ANKRD34B: variants seen among roughly 807,000 people sequenced by gnomAD.
ANKRD34B encodes the protein ankyrin repeat domain-containing protein 34B.
A neutral mutation model predicts 4.4 loss-of-function variants in ANKRD34B; 2 were observed. The observed-to-expected ratio is 0.46, with a 90% CI of 0.19 to 1.44. The LOEUF is 1.44. Among genes scored for constraint, ANKRD34B ranks in the 40% most tolerant of loss-of-function variants. The probability of loss-of-function intolerance (pLI) is 0.26; values close to 1 mark genes in which losing one functional copy is unlikely to be tolerated. For missense variants in ANKRD34B, 558 were observed against 604.7 expected, an observed-to-expected ratio of 0.92 and a Z score of 0.81; for synonymous variants, 226 against 227.1, an observed-to-expected ratio of 0.99 and a Z score of 0.05.
Position 80,559,732 on chromosome 5 carries a change from A to C in ANKRD34B, c.288T>G (p.Ala96=), listed in dbSNP as rs1442268170. 6.2e-7 allele frequency: 1 copy of C among 1,614,234 alleles called. No individual in the cohort carries two copies. ...GGAGCAAGGAAACAACTTCAGGGCCAGCTTTTTCTAAGCAAGCATGCATCA... is the reference window on the plus strand; with the variant it reads ...GGAGCAAGGAAACAACTTCAGGGCCCGCTTTTTCTAAGCAAGCATGCATCA... The part of the protein sequence containing the change: ...TALMHACLEK[A]GPEVVSLLLK... Residue 96 remains alanine (A), a synonymous_variant, in exon 5 of 5, where the codon GCT becomes GCG. Coordinates refer to ENST00000338682, the MANE Select transcript of ANKRD34B (RefSeq NM_001004441.3).
chr5:80,562,510 A>T (rs1436277910), intron 4 of ANKRD34B, among the ~76,000 whole-genome samples: 2 of 152,170 alleles, frequency 1.3e-5, no homozygotes, highest in Non-Finnish European at 2.9e-5. Context: ...TTGCTTACTG[A>T]CCACGGCTGA....
intron 4 of ANKRD34B, among the ~76,000 whole-genome samples, chr5:80,563,293 C>T (rs1440955920): frequency 6.6e-6 from 1 of 152,100 alleles, no homozygotes. Flanking sequence ...ATTTCCCAGT[C>T]TGGGTGGTGC....
At chr5:80,567,881 C>T (rs150905557) in intron 2 of ANKRD34B, among the ~76,000 whole-genome samples, 10 of 152,180 alleles carry the variant, frequency 6.6e-5, no homozygotes, top group African/African-American at 2.4e-4. Flanking sequence ...ACCTGGGCTC[C>T]GGATCTCTCC....
At position 80,559,728 on chromosome 5, in the gene ANKRD34B, G is replaced by C; in HGVS notation, c.292C>G (p.Pro98Ala). ...TTGAGGAGCAAGGAAACAACTTCAGGGCCAGCTTTTTCTAAGCAAGCATGC... is the reference window on the plus strand; with the variant it reads ...TTGAGGAGCAAGGAAACAACTTCAGCGCCAGCTTTTTCTAAGCAAGCATGC... ...LMHACLEKAGPEVVSLLLKSG... is the reference protein window; with the variant it reads ...LMHACLEKAGAEVVSLLLKSG... Residue 98 changes from proline (P) to alanine (A), a missense_variant, in exon 5 of 5, where the codon CCT becomes GCT. Physicochemically the swap from Pro to Ala is conservative, Grantham distance 27. Coordinates refer to ENST00000338682, the MANE Select transcript of ANKRD34B (RefSeq NM_001004441.3). The C allele has an allele frequency of 1.2e-6, 2 of 1,614,130 alleles. No individual in the cohort carries two copies. Among genetic ancestry groups the C allele is most frequent in the Non-Finnish European group, 1.7e-6 (2 of 1,180,014 alleles).
Position 80,560,029 on chromosome 5 carries a change from T to C in ANKRD34B, c.-10A>G. On this transcript the variant is annotated 5_prime_UTR_variant, in exon 5 of 5. Transcript: ENST00000338682. ...CCATACCTTCATCCATCTTCGGAGG[T>C]TAGAACTCAATACCTGGTTATCAAA... 6.4e-7 allele frequency: 1 copy of C among 1,551,382 alleles called. No individual in the cohort carries two copies. The highest frequency in any genetic ancestry group is 8.7e-7 in the Non-Finnish European group (1 of 1,148,240).
At position 80,558,890 on chromosome 5, in the gene ANKRD34B, G is replaced by C; in HGVS notation, c.1130C>G (p.Ala377Gly). The C allele has an allele frequency of 6.2e-7, 1 of 1,614,164 alleles. No individual in the cohort carries two copies. The highest frequency in any genetic ancestry group is 8.5e-7 in the Non-Finnish European group (1 of 1,180,028). The change falls in exon 5 of 5, where the codon GCT (alanine) becomes GGT (glycine). Residue 377 changes from alanine to glycine, a missense_variant. Physicochemically the swap from Ala to Gly is moderately conservative, Grantham distance 60. Transcript: ENST00000338682. ...TTCTGAAGTTGGAGGGGTAAGGCCA[G>C]CTGAGAGCTGGGAATCAGAGCTGTA... is the stretch of plus-strand genomic sequence containing the variant. ...NHYSSDSQLS[A>G]GLTPPTSEDG...
intron 4 of ANKRD34B, among the ~76,000 whole-genome samples, chr5:80,561,020 G>T (rs1300920611): frequency 6.6e-6 from 1 of 152,138 alleles, no homozygotes; most frequent in East Asian, 1.9e-4. Context: ...AGGTTAGCAA[G>T]AACTATAGGG....
At chr5:80,563,258 G>A (rs967738159) in intron 4 of ANKRD34B, among the ~76,000 whole-genome samples, 2 of 152,078 alleles carry the variant, frequency 1.3e-5, no homozygotes, top group Non-Finnish European at 1.5e-5. Flanking sequence ...GACAGAGAGA[G>A]GCCCGAAGGT....
intron 2 of ANKRD34B, among the ~76,000 whole-genome samples, chr5:80,567,382 G>A (rs1460429037): frequency 1.3e-5 from 2 of 151,750 alleles, no homozygotes; most frequent in Non-Finnish European, 2.9e-5. Flanking sequence ...CACTTTGGGA[G>A]GCCGAGGGGG....
chr5:80,566,521 T>C (rs184836359), intron 3 of ANKRD34B, among the ~76,000 whole-genome samples, 168 bp downstream of exon 3: 1 of 152,182 alleles, frequency 6.6e-6, no homozygotes, highest in East Asian at 1.9e-4. Context: ...AGTCCCCAGC[T>C]CCTTGCCCTG....
rs145514052 is a variant in ANKRD34B, at chr5:80,559,331, A to G, written c.689T>C (p.Val230Ala). The G allele has an allele frequency of 6.3e-5, 102 of 1,614,190 alleles. 1 individual carries two copies. The East Asian group carries it at 2.3e-3, about 36-fold the overall frequency. Reference protein sequence around the residue: ...NDDTWDPGSPVRKPALAPKGP... With the variant: ...NDDTWDPGSPARKPALAPKGP... ...CTTAGGGGCCAATGCAGGTTTCCTC[A>G]CAGGGGAACCTGGGTCCCAGGTATC... The change falls in exon 5 of 5, where the codon GTG becomes GCG. Residue 230 changes from valine (V) to alanine (A), a missense_variant. Physicochemically the swap from Val to Ala is moderately conservative, Grantham distance 64 (BLOSUM62 0). Coordinates refer to ENST00000338682, the MANE Select transcript of ANKRD34B (RefSeq NM_001004441.3).
chr5:80,560,263 A>T (rs959056787), intron 4 of ANKRD34B, among the ~76,000 whole-genome samples: 12 of 152,234 alleles, frequency 7.9e-5, no homozygotes, highest in African/African-American at 2.9e-4. Context: ...CAAAATCTTC[A>T]TTGAATATTT....
chr5:80,568,237 T>C (rs1746634047), intron 2 of ANKRD34B, among the ~76,000 whole-genome samples: 1 of 152,192 alleles, frequency 6.6e-6, no homozygotes, highest in African/African-American at 2.4e-5. Flanking sequence ...TAATGCACAC[T>C]TGGAGAAAAT....
In ANKRD34B at chr5:80,568,953, G is replaced by GAGAGAGAGAGAGAGAGAGAGA. The variant is rs369957076; in HGVS notation, c.-191+6_-191+7insTCTCTCTCTCTCTCTCTCTCT. 1.8e-4 allele frequency: 26 copies of GAGAGAGAGAGAGAGAGAGAGA among 146,078 alleles called. No homozygotes were observed. The highest frequency in any genetic ancestry group is 2.6e-4 in the Non-Finnish European group (17 of 66,426). 9.0% of individuals were successfully genotyped at this position (146,078 alleles called of 1,614,324 possible). A position where few individuals can be genotyped will look rare whatever the true frequency, so the allele number is the denominator to read the frequency against. Reference sequence around the variant, plus strand: ...AGAGAGAGAGAGAGAGAGAGAGAGAGGCCAACCTAGTCCTCCAAGTCTCAG... The same window carrying GAGAGAGAGAGAGAGAGAGAGA: ...AGAGAGAGAGAGAGAGAGAGAGAGAGAGAGAGAGAGAGAGAGAGAGAGCCAACCTAGTCCTCCAAGTCTCAG... On this transcript the variant is annotated splice_region_variant and intron_variant, in intron 2 of 4. Transcript: ENST00000338682.
chr5:80,558,504 C>T lies in ANKRD34B; in HGVS notation c.1516G>A (p.Glu506Lys). 6.2e-7 allele frequency: 1 copy of T among 1,612,442 alleles called. No individual in the cohort carries two copies. The highest frequency in any genetic ancestry group is 8.5e-7 in the Non-Finnish European group (1 of 1,179,000). The change falls in exon 5 of 5, where the codon GAA becomes AAA. Residue 506 changes from glutamate to lysine, a missense_variant. Transcript: ENST00000338682. ...MLLRRQSLQTEQIKQLVNF is the reference protein window; with the variant it reads ...MLLRRQSLQTKQIKQLVNF ...AAGTTTACTAATTGCTTAATTTGTT[C>T]AGTTTGCAATGATTGTCTCCTTAAC...
Position 80,558,801 on chromosome 5 carries a change from A to G in ANKRD34B, c.1219T>C (p.Ser407Pro). ...GGGATATTCTCCAACAATTCTTTGG[A>G]CTCTGACAATTGGGAAGGAGATGGT... ...LSPSPSQLSE[S>P]KELLENIPPG... Residue 407 changes from serine to proline, a missense_variant, in exon 5 of 5, where the codon TCC (serine) becomes CCC (proline). Transcript: ENST00000338682. 1 of 1,613,986 alleles carries G rather than the reference A, an allele frequency of 6.2e-7. No individual in the cohort carries two copies. Among genetic ancestry groups the G allele is most frequent in the Non-Finnish European group, 8.5e-7 (1 of 1,179,994 alleles).
intron 1 of ANKRD34B, among the ~76,000 whole-genome samples, chr5:80,569,904 C>T (rs1474224876): frequency 1.3e-5 from 2 of 152,198 alleles, no homozygotes; most frequent in Non-Finnish European, 2.9e-5. Context: ...GGGGCAGAGT[C>T]TCTCGGGAGG....
At chr5:80,565,833 A>T (rs1718410197) in intron 3 of ANKRD34B, among the ~76,000 whole-genome samples, 1 of 152,252 alleles carries the variant, frequency 6.6e-6, no homozygotes, top group South Asian at 2.1e-4. Context: ...GAATCTAATA[A>T]GCAAAACATG....
At chr5:80,565,147 G>A (rs1746527748) in intron 3 of ANKRD34B, among the ~76,000 whole-genome samples, 1 of 152,208 alleles carries the variant, frequency 6.6e-6, no homozygotes, top group Non-Finnish European at 1.5e-5. Flanking sequence ...GTGCCTGAAT[G>A]GAAGAATCCC....
Sources: gnomAD v4.1 joint callset for allele counts (sites outside exome capture counted in the v4.1 genomes callset) on GRCh38, gnomAD v4.1.1 for gene constraint, MANE v1.5 for transcripts, NCBI Gene and HGNC (gene_info 2026-07-23, HGNC 2026-07-21) for gene names.